Variants in MLLT3 observed in about 807,000 individuals in gnomAD.
The protein encoded by MLLT3 is MLLT3 super elongation complex subunit.
In MLLT3, 4 loss-of-function variants were observed where a neutral mutation model predicts 53.2. That is an observed-to-expected ratio of 0.08 (90% CI 0.04 to 0.17). MLLT3 has a LOEUF of 0.17. Among genes scored for constraint, MLLT3 ranks in the 10% least tolerant of loss-of-function variants. The probability of loss-of-function intolerance (pLI) is 1.00; values close to 1 mark genes in which losing one functional copy is unlikely to be tolerated. For missense variants in MLLT3, 569 were observed against 684.0 expected, an observed-to-expected ratio of 0.83 and a Z score of 1.87; for synonymous variants, 283 against 230.6, an observed-to-expected ratio of 1.23 and a Z score of -2.06.
chr9:20,483,760 T>G lies in MLLT3; in HGVS notation c.194-26974A>C, dbSNP rs1052901606. ...TATCGCTCTGTCACCCAGGCTAGAG[T>G]GCAGTGGCGCCATCTTGGCTCACTG... On this transcript the variant is annotated intron_variant, in intron 2 of 10. Coordinates refer to ENST00000380338, the MANE Select transcript of MLLT3 (RefSeq NM_004529.4). Among the ~76,000 whole-genome samples, 583 of 134,062 alleles carry G rather than the reference T, an allele frequency of 4.3e-3. 4 individuals are homozygous for G. The highest frequency in any genetic ancestry group is 0.016 in the African/African-American group (548 of 35,016). The allele number at this position is 134,062 out of a possible 152,430, so 87.9% of individuals were successfully genotyped here.
At position 20,532,231 on chromosome 9, in the gene MLLT3, C is replaced by T. The variant is rs1171700397; in HGVS notation, c.194-75445G>A. Among the ~76,000 whole-genome samples, 6 of 151,952 alleles carry T rather than the reference C, an allele frequency of 3.9e-5. No homozygotes were observed. The East Asian group carries it at 1.2e-3, about 29-fold the overall frequency. ...AATACTGCTTAGCCAAAGTGACCCTCGCAAACATTCACCAGCAATACTTTA... is the reference window on the plus strand; with the variant it reads ...AATACTGCTTAGCCAAAGTGACCCTTGCAAACATTCACCAGCAATACTTTA... On this transcript the variant is annotated intron_variant, in intron 2 of 10. Transcript: ENST00000380338.
intron 2 of MLLT3, among the ~76,000 whole-genome samples, chr9:20,582,894 C>G (rs1819836439): frequency 6.6e-6 from 1 of 152,246 alleles, no homozygotes; most frequent in East Asian, 1.9e-4. Flanking sequence ...CAAACTATAT[C>G]ATTCCACCCC....
At chr9:20,521,324 G>A (rs940472070) in intron 2 of MLLT3, among the ~76,000 whole-genome samples, 1 of 152,066 alleles carries the variant, frequency 6.6e-6, no homozygotes, top group Admixed American at 6.6e-5. Context: ...GCCCACCTTG[G>A]CCTCCCAAAG....
At chr9:20,373,507 C>T (rs954526449) in intron 5 of MLLT3, among the ~76,000 whole-genome samples, 1 of 152,190 alleles carries the variant, frequency 6.6e-6, no homozygotes, top group African/African-American at 2.4e-5. Context: ...TAAGAGCATA[C>T]TTCCTCTTTA....
chr9:20,534,447 T>G (rs2119000919), intron 2 of MLLT3, among the ~76,000 whole-genome samples: 2 of 152,370 alleles, frequency 1.3e-5, no homozygotes, highest in South Asian at 2.1e-4. Context: ...GAAATAGTTA[T>G]GAATTCATGC....
At chr9:20,511,617 T>A (rs966463716) in intron 2 of MLLT3, among the ~76,000 whole-genome samples, 1 of 152,230 alleles carries the variant, frequency 6.6e-6, no homozygotes, top group Non-Finnish European at 1.5e-5. Flanking sequence ...CAGGATTTCA[T>A]GGCCTATGAC....
At chr9:20,486,185 T>C (rs959555484) in intron 2 of MLLT3, among the ~76,000 whole-genome samples, 9 of 152,126 alleles carry the variant, frequency 5.9e-5, no homozygotes, top group African/African-American at 1.7e-4. Context: ...CTGGTTATAA[T>C]ACAAAAACAT....
chr9:20,588,292 T>C lies in MLLT3; in HGVS notation c.193+32362A>G, dbSNP rs1232500549. 3.4e-3 allele frequency among the ~76,000 whole-genome samples: 514 copies of C among 149,812 alleles called. 4 individuals carry two copies. Among genetic ancestry groups the C allele is most frequent in the African/African-American group, 0.012 (495 of 41,026 alleles). ...AGGTAGTGTGATGCCTCCAGCTTTG[T>C]TCTTTTGGCTTAGGATTGACTTGGC... is the stretch of plus-strand genomic sequence containing the variant. On this transcript the variant is annotated intron_variant, in intron 2 of 10. Coordinates refer to ENST00000380338, the MANE Select transcript of MLLT3 (RefSeq NM_004529.4).
intron 2 of MLLT3, among the ~76,000 whole-genome samples, chr9:20,562,270 T>A (rs762195262): frequency 3.3e-5 from 5 of 151,974 alleles, no homozygotes; most frequent in Non-Finnish European, 7.4e-5. Context: ...AGCAAAAATA[T>A]ACCATGACAG....
At chr9:20,392,450 A>G (rs1450260555) in intron 5 of MLLT3, among the ~76,000 whole-genome samples, 2 of 152,192 alleles carry the variant, frequency 1.3e-5, no homozygotes, top group Non-Finnish European at 2.9e-5. Context: ...CTGACAATCT[A>G]CTAAAATCCC....
At chr9:20,351,584 C>T (rs1485888171) in intron 10 of MLLT3, among the ~76,000 whole-genome samples, 2 of 152,150 alleles carry the variant, frequency 1.3e-5, no homozygotes, top group East Asian at 1.9e-4. Context: ...CTGCATGCCC[C>T]CAGAGGAAAA....
At chr9:20,372,333 T>C (rs986013522) in intron 5 of MLLT3, among the ~76,000 whole-genome samples, 1 of 152,208 alleles carries the variant, frequency 6.6e-6, no homozygotes, top group Admixed American at 6.5e-5. Flanking sequence ...CAACCTCACA[T>C]GCTACAGATA....
At chr9:20,550,016 T>C (rs1398331722) in intron 2 of MLLT3, among the ~76,000 whole-genome samples, 1 of 152,202 alleles carries the variant, frequency 6.6e-6, no homozygotes, top group Non-Finnish European at 1.5e-5. Context: ...CTACAAGAAC[T>C]GCTAACTAAG....
chr9:20,342,830 A>G lies in MLLT3; in HGVS notation c.*3613T>C, dbSNP rs1016044234. 2.1e-5 allele frequency: 3 copies of G among 145,530 alleles called. No homozygotes were observed. Among genetic ancestry groups the G allele is most frequent in the East Asian group, 1.5e-4 (1 of 6,464 alleles). The allele number at this position is 145,530 out of a possible 1,614,324, so 9.0% of individuals were successfully genotyped here. On this transcript the variant is annotated 3_prime_UTR_variant, in exon 11 of 11. Transcript: ENST00000380338. The stretch of plus-strand genomic sequence containing the variant: ...AAGCAAGATTACTCTGATAATATAT[A>G]TGTGTATATATATATATATATGTAT...
chr9:20,416,453 T>C (rs1193000915), intron 4 of MLLT3, among the ~76,000 whole-genome samples: 1 of 152,082 alleles, frequency 6.6e-6, no homozygotes, highest in East Asian at 1.9e-4. Context: ...AACTTCTGTA[T>C]AGATCCTTCC....
In MLLT3 at chr9:20,596,279, A is replaced by G. The variant is rs1028761911; in HGVS notation, c.193+24375T>C. On this transcript the variant is annotated intron_variant, in intron 2 of 10. Transcript: ENST00000380338. The stretch of plus-strand genomic sequence containing the variant: ...TATAAAGCTTTAAACCTACCCCAAA[A>G]CACTGAATTACCAGGAAAACTATGG... Among the ~76,000 whole-genome samples, 6 of 152,312 alleles carry G rather than the reference A, an allele frequency of 3.9e-5. 1 individual carries two copies. The South Asian group carries it at 8.3e-4, about 21-fold the overall frequency.
chr9:20,587,747 T>C (rs2131182031), intron 2 of MLLT3, among the ~76,000 whole-genome samples: 1 of 152,158 alleles, frequency 6.6e-6, no homozygotes, highest in East Asian at 1.9e-4. Flanking sequence ...ATTAGCCCTT[T>C]GTCAGATGAG....
intron 2 of MLLT3, among the ~76,000 whole-genome samples, chr9:20,585,321 T>TA (rs1819924304): frequency 6.6e-6 from 1 of 152,186 alleles, no homozygotes; most frequent in South Asian, 2.1e-4. Context: ...TGTCCCTTCT[T>TA]ATAAAGACAC....
At position 20,414,363 on chromosome 9, in the gene MLLT3, G is replaced by GCTGCTGCTGCTGCTA; in HGVS notation, c.468_482dup (p.Ser186_Ser190dup). 6.2e-7 allele frequency: 1 copy of GCTGCTGCTGCTGCTA among 1,604,600 alleles called. No individual in the cohort carries two copies. On this transcript the variant is annotated inframe_insertion, in exon 5 of 11. Transcript: ENST00000380338. ...TGCTGCTACTGCTGCTGCTGCTGCT[G>GCTGCTGCTGCTGCTA]CTGCTGCTGCTGCTACTGCTGCTGC...
Sources: allele counts gnomAD v4.1 joint callset (sites outside exome capture counted in the v4.1 genomes callset), GRCh38; gene constraint gnomAD v4.1.1; transcripts MANE v1.5; gene names NCBI Gene and HGNC (gene_info 2026-07-23, HGNC 2026-07-21).